SMARCAD1: variants seen among roughly 807,000 people sequenced by gnomAD.
The protein encoded by SMARCAD1 is SWI/SNF-related matrix-associated actin-dependent regulator of chromatin subfamily A containing DEAD/H box 1.
In SMARCAD1, 25 loss-of-function variants were observed where a neutral mutation model predicts 127.1. The observed-to-expected ratio is 0.20, with a 90% CI of 0.14 to 0.27. The LOEUF (loss-of-function observed/expected upper bound fraction) is 0.27. Among genes scored for constraint, SMARCAD1 ranks in the 10% least tolerant of loss-of-function variants. SMARCAD1 has a pLI of 1.00. For synonymous variants in SMARCAD1, 400 were observed against 396.9 expected (o/e 1.01, Z -0.09); for missense variants, 807 against 1,206.0 (o/e 0.67, Z 4.90).
intron 11 of SMARCAD1, among the ~76,000 whole-genome samples, chr4:94,271,917 C>T (rs1752584890): frequency 6.6e-6 from 1 of 152,182 alleles, no homozygotes; most frequent in Non-Finnish European, 1.5e-5. Context: ...CTGTAAAGCG[C>T]AACACAATAT....
chr4:94,263,405 G>A (rs1751302036), intron 9 of SMARCAD1, among the ~76,000 whole-genome samples: 1 of 152,040 alleles, frequency 6.6e-6, no homozygotes, highest in South Asian at 2.1e-4. Flanking sequence ...GCACAAAGTA[G>A]GGGGAGTAGG....
intron 10 of SMARCAD1, among the ~76,000 whole-genome samples, chr4:94,268,444 A>G (rs551901993): frequency 6.6e-6 from 1 of 152,182 alleles, no homozygotes; most frequent in Non-Finnish European, 1.5e-5. Context: ...CTGCATTTAT[A>G]AGTGATGTAT....
rs1746248507 is a variant in SMARCAD1, at chr4:94,233,957, T to C, written c.372T>C (p.Ser124=). Residue 124 remains serine, a synonymous_variant, in exon 4 of 24, where the codon TCT becomes TCC. Transcript: ENST00000354268. ...GCTCCTCTAAAAATATTTTTAGTTC[T>C]GAGCCATCTGAAGATGAAGAGTCCC... ...TFNKDTVIIV[S]EPSEDEESQG... 1 of 1,613,614 alleles carries C rather than the reference T, an allele frequency of 6.2e-7. No individual in the cohort carries two copies. The highest frequency in any genetic ancestry group is 1.3e-5 in the African/African-American group (1 of 75,024).
In SMARCAD1 at chr4:94,282,163, G is replaced by T. The variant is rs1345304714; in HGVS notation, c.2726+573G>T. 2.3e-4 allele frequency among the ~76,000 whole-genome samples: 14 copies of T among 61,014 alleles called. 2 individuals carry two copies. The highest frequency in any genetic ancestry group is 2.5e-4 in the Admixed American group (1 of 3,934). The allele number at this position is 61,014 out of a possible 152,430, so 40.0% of individuals were successfully genotyped here. On this transcript the variant is annotated intron_variant, in intron 21 of 23. Coordinates refer to ENST00000354268, the MANE Select transcript of SMARCAD1 (RefSeq NM_020159.5). Reference sequence around the variant, plus strand: ...CGCCCAGGCTGGAGTGCAGTGGCGCGATCTCGGCTCACTGCAAGCTCCGCC... The same window carrying T: ...CGCCCAGGCTGGAGTGCAGTGGCGCTATCTCGGCTCACTGCAAGCTCCGCC...
intron 10 of SMARCAD1, among the ~76,000 whole-genome samples, chr4:94,267,332 G>C (rs1345348870): frequency 6.6e-6 from 1 of 152,158 alleles, no homozygotes; most frequent in Non-Finnish European, 1.5e-5. Flanking sequence ...TGTCACTACA[G>C]ACTAATATTG....
chr4:94,245,652 A>G (rs1748297601), intron 6 of SMARCAD1, among the ~76,000 whole-genome samples: 1 of 152,228 alleles, frequency 6.6e-6, no homozygotes, highest in Non-Finnish European at 1.5e-5. Flanking sequence ...CGTAAGCTGT[A>G]ACTCTTCCAA....
intron 9 of SMARCAD1, among the ~76,000 whole-genome samples, chr4:94,258,413 C>T (rs1750449939): frequency 6.6e-6 from 1 of 152,186 alleles, no homozygotes; most frequent in South Asian, 2.1e-4. Flanking sequence ...CCTCCACCTC[C>T]CAGAGTGCTG....
rs750554739 is a variant in SMARCAD1, at chr4:94,208,309, C to G, written c.-49-37C>G. ...GTGGCATTGTATCGTATATTGTTTT[C>G]ATGGCCTTTTTTCCTCTCTTTATTT... On this transcript the variant is annotated intron_variant, in intron 1 of 23. Transcript: ENST00000354268. The G allele has an allele frequency of 2.8e-6, 4 of 1,408,274 alleles. No homozygotes were observed. The African/African-American group carries it at 5.7e-5, about 20-fold the overall frequency. 87.2% of individuals were successfully genotyped at this position (1,408,274 alleles called of 1,614,324 possible). A position where few individuals can be genotyped will look rare whatever the true frequency, so the allele number is the denominator to read the frequency against.
intron 4 of SMARCAD1, among the ~76,000 whole-genome samples, chr4:94,235,468 T>G (rs1746506620): frequency 6.6e-6 from 1 of 151,722 alleles, no homozygotes; most frequent in African/African-American, 2.4e-5. Flanking sequence ...TGCCTGCCAG[T>G]TTAAGTGTAG....
intron 22 of SMARCAD1, among the ~76,000 whole-genome samples, chr4:94,284,308 C>T (rs1754542786): frequency 1.7e-5 from 2 of 117,164 alleles, no homozygotes; most frequent in Non-Finnish European, 1.6e-5. Context: ...GCCTGGGTGA[C>T]GGAGCAAGAC....
At chr4:94,222,479 TTGCCAAGCAGGC>T (rs1348086571) in intron 2 of SMARCAD1, among the ~76,000 whole-genome samples, 1 of 141,174 alleles carries the variant, frequency 7.1e-6, no homozygotes, top group Non-Finnish European at 1.5e-5. Context: ...TGTTAATCAC[TTGCCAAGCAGGC>T]TGTGAGGATG....
chr4:94,249,830 C>A, intron 7 of SMARCAD1, 75 bp downstream of exon 7: 1 of 859,792 alleles, frequency 1.2e-6, no homozygotes, highest in Non-Finnish European at 2.0e-6. Context: ...AAGAGTTCAA[C>A]CACATAAAAG....
chr4:94,221,982 G>C (rs557926910), intron 2 of SMARCAD1, among the ~76,000 whole-genome samples: 1 of 152,154 alleles, frequency 6.6e-6, no homozygotes, highest in African/African-American at 2.4e-5. Flanking sequence ...GGAGACATAT[G>C]GGGGGTGTAA....
chr4:94,238,184 A>T (rs2125873988), intron 5 of SMARCAD1, among the ~76,000 whole-genome samples: 1 of 152,244 alleles, frequency 6.6e-6, no homozygotes, highest in South Asian at 2.1e-4. Flanking sequence ...ATCCATATGA[A>T]ATATTTTAAA....
intron 11 of SMARCAD1, 82 bp downstream of exon 11, chr4:94,270,900 T>C (rs1752454132): frequency 1.5e-6 from 2 of 1,318,744 alleles, no homozygotes; most frequent in Non-Finnish European, 1.1e-6. Context: ...CATGAAACTT[T>C]TTTTTGCTAC....
chr4:94,262,936 GAAA>G (rs58752878), intron 9 of SMARCAD1, among the ~76,000 whole-genome samples: 4 of 143,974 alleles, frequency 2.8e-5, no homozygotes, highest in Non-Finnish European at 4.5e-5. Flanking sequence ...GTTGGTTACA[GAAA>G]AAAAAAAGTG....
intron 6 of SMARCAD1, chr4:94,248,384 A>G: frequency 2.4e-6 from 1 of 423,268 alleles, no homozygotes; most frequent in Non-Finnish European, 4.8e-6. Flanking sequence ...TATGTAGTGA[A>G]AAAGCAGTGG....
At position 94,246,253 on chromosome 4, in the gene SMARCAD1, GGGATTACAGGTGCCT is replaced by G. The variant is rs1338853828; in HGVS notation, c.706-3399_706-3385del. Among the ~76,000 whole-genome samples the G allele has an allele frequency of 3.3e-5, 5 of 151,830 alleles. No individual in the cohort carries two copies. In the East Asian group the frequency reaches 9.7e-4, roughly 29 times the overall value. ...TCCCACCTCAGCCTCCCGAGTAGCT[GGGATTACAGGTGCCT>G]GCCACCACGCCTGGCTAATTTTTTG... On this transcript the variant is annotated intron_variant, in intron 6 of 23. Coordinates refer to ENST00000354268, the MANE Select transcript of SMARCAD1 (RefSeq NM_020159.5).
intron 5 of SMARCAD1, 72 bp downstream of exon 5, chr4:94,237,090 T>C: frequency 1.7e-6 from 2 of 1,201,164 alleles, no homozygotes; most frequent in Non-Finnish European, 2.5e-6. Context: ...CTCATTAATA[T>C]TGCTCCACAG....
Sources: gnomAD v4.1 joint callset for allele counts (sites outside exome capture counted in the v4.1 genomes callset) on GRCh38, gnomAD v4.1.1 for gene constraint, MANE v1.5 for transcripts, NCBI Gene and HGNC (gene_info 2026-07-23, HGNC 2026-07-21) for gene names.